Variants in SHB observed in about 807,000 individuals in gnomAD.
SHB encodes SH2 domain containing adaptor protein B, also known as SH2 domain-containing adapter protein B.
SHB carries 20 observed loss-of-function variants against 52.3 expected under a neutral mutation model. The observed-to-expected ratio is 0.38, with a 90% CI of 0.27 to 0.56. SHB has a LOEUF of 0.56. Ranked by LOEUF, SHB falls within the 20% of genes least tolerant of loss-of-function variation. The pLI, the probability that SHB is intolerant of heterozygous loss-of-function variation, is 0.71. For synonymous variants in SHB, 397 were observed against 316.5 expected (o/e 1.25, Z -2.70); for missense variants, 825 against 723.3 (o/e 1.14, Z -1.61).
At chr9:38,067,404 G>A (rs1272674590) in intron 1 of SHB, among the ~76,000 whole-genome samples, 1 of 152,164 alleles carries the variant, frequency 6.6e-6, no homozygotes, top group African/African-American at 2.4e-5. Context: ...AGCTGGGGGT[G>A]GGGCAGGGCA....
intron 3 of SHB, among the ~76,000 whole-genome samples, chr9:37,972,360 G>A (rs938360437): frequency 2.6e-5 from 4 of 152,312 alleles, no homozygotes; most frequent in African/African-American, 9.6e-5. Context: ...GAACAGAGGA[G>A]GCTGTAAAAT....
chr9:37,967,251 A>T (rs958161547), intron 3 of SHB, among the ~76,000 whole-genome samples: 1 of 152,022 alleles, frequency 6.6e-6, no homozygotes, highest in African/African-American at 2.4e-5. Context: ...ATCCTTCCTT[A>T]CCTTAATGGG....
At chr9:38,015,467 T>C in intron 2 of SHB, 3 of 703,112 alleles carry the variant, frequency 4.3e-6, no homozygotes, top group Non-Finnish European at 7.8e-6. Flanking sequence ...AATGTCTCCA[T>C]GCTTCCTGTA....
chr9:37,984,711 C>A (rs935900076), intron 2 of SHB, among the ~76,000 whole-genome samples: 1 of 152,178 alleles, frequency 6.6e-6, no homozygotes, highest in African/African-American at 2.4e-5. Context: ...GAGTGCCAGG[C>A]GGTTCTTCCT....
At chr9:38,024,358 G>A (rs527792154) in intron 1 of SHB, among the ~76,000 whole-genome samples, 1 of 152,374 alleles carries the variant, frequency 6.6e-6, no homozygotes, top group African/African-American at 2.4e-5. Flanking sequence ...TGCCCCACAT[G>A]TCAGGAGGCT....
At chr9:37,927,222 C>G (rs1587193748) in intron 5 of SHB, among the ~76,000 whole-genome samples, 1 of 152,304 alleles carries the variant, frequency 6.6e-6, no homozygotes, top group East Asian at 1.9e-4. Flanking sequence ...CTGAGATGTT[C>G]TAATAGTCAA....
chr9:38,036,022 G>A (rs189479395), intron 1 of SHB, among the ~76,000 whole-genome samples: 3 of 152,264 alleles, frequency 2.0e-5, no homozygotes, highest in South Asian at 2.1e-4. Flanking sequence ...CAAACCCAGC[G>A]AGGGGAAGTG....
chr9:37,926,679 T>C (rs1389725621), intron 5 of SHB, among the ~76,000 whole-genome samples: 1 of 152,162 alleles, frequency 6.6e-6, no homozygotes, highest in African/African-American at 2.4e-5. Flanking sequence ...GCGGTAGAGA[T>C]CTCTGAAGAG....
At chr9:37,989,349 T>C (rs1020234130) in intron 2 of SHB, among the ~76,000 whole-genome samples, 2 of 152,138 alleles carry the variant, frequency 1.3e-5, no homozygotes, top group Admixed American at 1.3e-4. Context: ...TGCAGCCAAA[T>C]AGCAGTTCCC....
intron 1 of SHB, among the ~76,000 whole-genome samples, chr9:38,034,585 C>T (rs1015023782): frequency 3.9e-5 from 6 of 151,976 alleles, no homozygotes; most frequent in Admixed American, 2.0e-4. Context: ...CTCATTCTGT[C>T]CTCTGATCCC....
intron 3 of SHB, among the ~76,000 whole-genome samples, chr9:37,960,018 T>C (rs1351626666): frequency 1.3e-5 from 2 of 152,202 alleles, no homozygotes; most frequent in African/African-American, 4.8e-5. Context: ...ACCAGATAAA[T>C]TGGATAAAAA....
intron 1 of SHB, among the ~76,000 whole-genome samples, chr9:38,038,189 T>C (rs1474829966): frequency 6.6e-6 from 1 of 151,860 alleles, no homozygotes; most frequent in Non-Finnish European, 1.5e-5. Context: ...AGGCCAGAGC[T>C]CAGCAGCACA....
At chr9:37,920,144 G>T in intron 5 of SHB, 140 bp from the exon 6 acceptor site, 1 of 660,732 alleles carries the variant, frequency 1.5e-6, no homozygotes, top group Non-Finnish European at 2.6e-6. Context: ...CAGGACCGAG[G>T]CCCAGGACCA....
intron 1 of SHB, among the ~76,000 whole-genome samples, chr9:38,029,518 A>G (rs1318382498): frequency 2.0e-5 from 3 of 151,648 alleles, no homozygotes; most frequent in Non-Finnish European, 4.4e-5. Context: ...TTTAGATGGA[A>G]TCTCGCTCTG....
At chr9:37,969,633 G>A (rs1233924850) in intron 3 of SHB, among the ~76,000 whole-genome samples, 4 of 152,150 alleles carry the variant, frequency 2.6e-5, no homozygotes, top group South Asian at 4.1e-4. Flanking sequence ...CACCTCCACC[G>A]AGGTCTGCTT....
chr9:37,915,968 A>G lies in SHB; in HGVS notation c.*3853T>C, dbSNP rs1280389851. On this transcript the variant is annotated 3_prime_UTR_variant, in exon 6 of 6. Coordinates refer to ENST00000377707, the MANE Select transcript of SHB (RefSeq NM_003028.3). The stretch of plus-strand genomic sequence containing the variant: ...CATCATTATACAGTGTGTCACATAG[A>G]TTTGGAATGTTACAAGAGACTTCAG... Among the ~76,000 whole-genome samples the G allele has an allele frequency of 6.6e-6, 1 of 152,228 alleles. No individual in the cohort carries two copies. Among genetic ancestry groups the G allele is most frequent in the Non-Finnish European group, 1.5e-5 (1 of 68,044 alleles).
At chr9:38,000,420 G>A (rs549548563) in intron 2 of SHB, among the ~76,000 whole-genome samples, 3 of 152,328 alleles carry the variant, frequency 2.0e-5, no homozygotes, top group Admixed American at 6.5e-5. Context: ...GTTTCCCCAT[G>A]TTGACCATGG....
At chr9:37,975,775 C>T (rs564180789) in intron 2 of SHB, among the ~76,000 whole-genome samples, 86 of 152,312 alleles carry the variant, frequency 5.6e-4, no homozygotes, top group African/African-American at 2.0e-3. Context: ...CCTCACTGTT[C>T]CCAGCAGACA....
rs563937673 is a variant in SHB, at chr9:38,056,317, T to C, written c.717+11612A>G. 6.6e-4 allele frequency among the ~76,000 whole-genome samples: 100 copies of C among 152,258 alleles called. 1 individual carries two copies. The highest frequency in any genetic ancestry group is 4.6e-3 in the South Asian group (22 of 4,814). On this transcript the variant is annotated intron_variant, in intron 1 of 5. Coordinates refer to ENST00000377707, the MANE Select transcript of SHB (RefSeq NM_003028.3). ...TCCATCAAAGTATTAGAAGAAAATA[T>C]AAATACTACAGTAGGGAAGACTTTG...
Sources: gnomAD v4.1 joint callset for allele counts (sites outside exome capture counted in the v4.1 genomes callset) on GRCh38, gnomAD v4.1.1 for gene constraint, MANE v1.5 for transcripts, NCBI Gene and HGNC (gene_info 2026-07-23, HGNC 2026-07-21) for gene names.